Variants in PDE10A observed in about 807,000 individuals in gnomAD.
PDE10A encodes the protein cAMP and cAMP-inhibited cGMP 3',5'-cyclic phosphodiesterase 10A.
In PDE10A, 39 loss-of-function variants were observed where a neutral mutation model predicts 97.7. The ratio of observed to expected loss-of-function variants is 0.40; its 90% confidence interval spans 0.31 to 0.52. The LOEUF (loss-of-function observed/expected upper bound fraction) is 0.52. Among genes scored for constraint, PDE10A ranks in the 20% least tolerant of loss-of-function variants. The pLI, the probability that PDE10A is intolerant of heterozygous loss-of-function variation, is 0.56. For missense variants in PDE10A, 731 were observed against 1,047.8 expected, an observed-to-expected ratio of 0.70 and a Z score of 4.17; for synonymous variants, 371 against 376.8, an observed-to-expected ratio of 0.98 and a Z score of 0.18.
At chr6:165,831,580 C>A (rs1779917145) in intron 1 of PDE10A, among the ~76,000 whole-genome samples, 1 of 150,680 alleles carries the variant, frequency 6.6e-6, no homozygotes, top group Admixed American at 6.6e-5. Flanking sequence ...CGGGTTCACG[C>A]CATTCTCCTG....
intron 1 of PDE10A, among the ~76,000 whole-genome samples, chr6:165,883,731 C>T (rs927641384): frequency 3.3e-5 from 5 of 151,898 alleles, no homozygotes; most frequent in Non-Finnish European, 7.4e-5. Context: ...GTGCTGTGAG[C>T]CTGAGAGGAA....
At chr6:165,758,710 GGGAGGAGGATGA>G (rs1373779387) in intron 1 of PDE10A, among the ~76,000 whole-genome samples, 1 of 150,996 alleles carries the variant, frequency 6.6e-6, no homozygotes, top group Non-Finnish European at 1.5e-5. Flanking sequence ...AAGGAGGAGG[GGGAGGAGGATGA>G]GGAGGAGGAG....
intron 1 of PDE10A, among the ~76,000 whole-genome samples, chr6:165,861,393 G>A (rs1437724830): frequency 6.7e-6 from 1 of 150,316 alleles, no homozygotes; most frequent in Admixed American, 6.6e-5. Context: ...GTCCTCTCGG[G>A]GGGGCGCTAT....
chr6:165,365,624 G>C, intron 18 of PDE10A, among the ~76,000 whole-genome samples: 1 of 152,170 alleles, frequency 6.6e-6, no homozygotes, highest in East Asian at 1.9e-4. Flanking sequence ...AAAGACTGAG[G>C]TAGGAGGAAC....
chr6:165,888,286 C>A (rs1040029213), intron 1 of PDE10A, among the ~76,000 whole-genome samples: 1 of 141,728 alleles, frequency 7.1e-6, no homozygotes, highest in African/African-American at 2.8e-5. Flanking sequence ...GCTTGCTTTT[C>A]TTTTCTTTTC....
At chr6:165,738,545 A>G (rs1186063025) in intron 1 of PDE10A, among the ~76,000 whole-genome samples, 7 of 151,900 alleles carry the variant, frequency 4.6e-5, no homozygotes, top group Admixed American at 2.6e-4. Flanking sequence ...GGATGGCTGG[A>G]TCAAATGGTA....
At chr6:165,859,303 T>C (rs1271230013) in intron 1 of PDE10A, among the ~76,000 whole-genome samples, 1 of 152,170 alleles carries the variant, frequency 6.6e-6, no homozygotes, top group African/African-American at 2.4e-5. Flanking sequence ...AAAGAAAAGT[T>C]TTGGTAAAAT....
chr6:165,963,763 C>T (rs1359640721), intron 1 of PDE10A, among the ~76,000 whole-genome samples: 2 of 152,164 alleles, frequency 1.3e-5, no homozygotes, highest in African/African-American at 4.8e-5. Context: ...AAGGTGGTAT[C>T]CCCTGCTGGC....
Position 165,857,724 on chromosome 6 carries a change from TGTGTGTGTGTGTGA to T in PDE10A, c.-615+129791_-615+129804del, listed in dbSNP as rs1489249791. On this transcript the variant is annotated intron_variant, in intron 1 of 19. Transcript: ENST00000366882. ...GTGTGTGTGTGTGTGTGTGTGTGTG[TGTGTGTGTGTGTGA>T]AGAATGATTGTGCTCTTTGGGGCAA... 9.3e-3 allele frequency among the ~76,000 whole-genome samples: 1,134 copies of T among 121,560 alleles called. 4 individuals are homozygous for T. The highest frequency in any genetic ancestry group is 0.023 in the South Asian group (75 of 3,234). 79.7% of individuals were successfully genotyped at this position (121,560 alleles called of 152,430 possible).
intron 1 of PDE10A, among the ~76,000 whole-genome samples, chr6:165,599,726 A>G (rs1329760907): frequency 6.6e-6 from 1 of 152,172 alleles, no homozygotes; most frequent in Non-Finnish European, 1.5e-5. Flanking sequence ...TTGCCATACC[A>G]GTTAACCGTC....
chr6:165,854,833 G>T (rs2128475437), intron 1 of PDE10A, among the ~76,000 whole-genome samples: 1 of 152,308 alleles, frequency 6.6e-6, no homozygotes, highest in South Asian at 2.1e-4. Flanking sequence ...TGGCCTTGGC[G>T]GCGCCCACTC....
chr6:165,398,479 CT>C (rs1786359116), intron 13 of PDE10A, among the ~76,000 whole-genome samples: 1 of 96,712 alleles, frequency 1.0e-5, no homozygotes, highest in African/African-American at 5.0e-5. Flanking sequence ...TAGAGCAAGA[CT>C]CTCTCTCTCT....
chr6:165,504,841 G>A (rs988411050), intron 2 of PDE10A, among the ~76,000 whole-genome samples: 3 of 152,018 alleles, frequency 2.0e-5, no homozygotes, highest in African/African-American at 7.2e-5. Context: ...GTTCCACTTA[G>A]GCTGGAAAGC....
chr6:165,589,142 T>C (rs761903074), intron 1 of PDE10A, among the ~76,000 whole-genome samples: 17 of 152,300 alleles, frequency 1.1e-4, no homozygotes, highest in South Asian at 2.1e-4. Flanking sequence ...ATTTCATCAA[T>C]TGCAAACATA....
chr6:165,547,724 G>A (rs1441161805), intron 1 of PDE10A, among the ~76,000 whole-genome samples: 1 of 152,136 alleles, frequency 6.6e-6, no homozygotes, highest in Non-Finnish European at 1.5e-5. Context: ...GAGCAGTGAT[G>A]AAAAGGATTG....
chr6:165,434,912 T>G (rs769153107), intron 6 of PDE10A, among the ~76,000 whole-genome samples: 25 of 152,220 alleles, frequency 1.6e-4, no homozygotes, highest in Non-Finnish European at 3.1e-4. Flanking sequence ...CAGCAATAGC[T>G]AACTCATTCA....
chr6:165,915,593 C>T (rs1782584446), intron 1 of PDE10A, among the ~76,000 whole-genome samples: 2 of 152,288 alleles, frequency 1.3e-5, no homozygotes, highest in South Asian at 2.1e-4. Flanking sequence ...TTACTGTCTT[C>T]CTTGCTCTCT....
chr6:165,654,430 G>T (rs955877305), intron 1 of PDE10A, among the ~76,000 whole-genome samples: 1 of 151,760 alleles, frequency 6.6e-6, no homozygotes, highest in Non-Finnish European at 1.5e-5. Flanking sequence ...TGAGAGAAAT[G>T]GCGGTCAGAA....
chr6:165,775,007 G>C (rs889579952), intron 1 of PDE10A: 2 of 152,098 alleles, frequency 1.3e-5, no homozygotes, highest in Non-Finnish European at 2.9e-5. Context: ...TTGTTTGGAA[G>C]AGAACCATCA....
Sources: allele counts gnomAD v4.1 joint callset (sites outside exome capture counted in the v4.1 genomes callset), GRCh38; gene constraint gnomAD v4.1.1; transcripts MANE v1.5; gene names NCBI Gene and HGNC (gene_info 2026-07-23, HGNC 2026-07-21).